Variants in COL18A1 observed in about 807,000 individuals in gnomAD.
COL18A1 encodes collagen alpha-1(XVIII) chain.
A neutral mutation model predicts 168.0 loss-of-function variants in COL18A1; 133 were observed. The ratio of observed to expected loss-of-function variants is 0.79; its 90% CI spans 0.69 to 0.91. The LOEUF (loss-of-function observed/expected upper bound fraction) is 0.91, where lower values mean the gene tolerates loss of function less well. Ranked by LOEUF, COL18A1 falls within the 40% of genes least tolerant of loss-of-function variation. COL18A1 has a pLI of 0.00. For missense variants in COL18A1, 2,126 were observed against 1,925.4 expected (o/e 1.10, Z -1.95); for synonymous variants, 949 against 809.0 (o/e 1.17, Z -2.94).
chr21:45,430,961 C>T (rs191224156), intron 2 of COL18A1, among the ~76,000 whole-genome samples: 10 of 152,346 alleles, frequency 6.6e-5, no homozygotes, highest in African/African-American at 2.2e-4. Context: ...AAATCAAGTC[C>T]GTAGAAAGAC....
chr21:45,460,368 C>A (rs79108673), intron 2 of COL18A1, among the ~76,000 whole-genome samples: 1,606 of 152,274 alleles, frequency 0.011, 26 homozygotes, highest in African/African-American at 0.037. Flanking sequence ...CACACGCCGG[C>A]CAAGTCGCTC....
chr21:45,510,313 C>T, intron 40 of COL18A1, 52 bp downstream of exon 40: 1 of 1,535,748 alleles, frequency 6.5e-7, no homozygotes, highest in Non-Finnish European at 8.8e-7. Flanking sequence ...CACTTGACCT[C>T]TGGGGTGAAC....
intron 17 of COL18A1, among the ~76,000 whole-genome samples, chr21:45,487,946 G>A (rs1319312197): frequency 1.3e-5 from 2 of 152,210 alleles, no homozygotes; most frequent in African/African-American, 4.8e-5. Flanking sequence ...GAGCCAGCAA[G>A]GAGTGACCAA....
intron 20 of COL18A1, 60 bp from the exon 21 acceptor site, chr21:45,490,776 C>A: frequency 2.0e-6 from 3 of 1,518,634 alleles, no homozygotes; most frequent in East Asian, 4.9e-5. Context: ...CCATCCCTCA[C>A]GGGGGGCCAG....
intron 2 of COL18A1, among the ~76,000 whole-genome samples, chr21:45,409,343 G>T (rs879606095): frequency 6.6e-6 from 1 of 152,212 alleles, no homozygotes; most frequent in Non-Finnish European, 1.5e-5. Context: ...CATGTTGGGC[G>T]CCCTTATACG....
At chr21:45,486,473 C>T (rs59479818) in intron 15 of COL18A1, among the ~76,000 whole-genome samples, 5 of 53,662 alleles carry the variant, frequency 9.3e-5, no homozygotes, top group African/African-American at 3.8e-4. Flanking sequence ...CTCGCCTGCC[C>T]GGGAGCCAGG....
intron 2 of COL18A1, among the ~76,000 whole-genome samples, chr21:45,448,760 C>T (rs1297802114): frequency 1.3e-5 from 2 of 152,246 alleles, no homozygotes; most frequent in Admixed American, 6.5e-5. Context: ...TCCTTTGCCC[C>T]ACTGGCCTGC....
intron 2 of COL18A1, chr21:45,467,369 G>C (rs1031380860): frequency 2.0e-6 from 2 of 985,328 alleles, no homozygotes; most frequent in Non-Finnish European, 2.4e-6. Context: ...CGGCGCTGTG[G>C]GGCATTTGCA....
In COL18A1 at chr21:45,405,298, C is replaced by CGCGGGGCT. The variant is rs1555966522; in HGVS notation, c.11+63_11+64insCTGCGGGG. 7.4e-3 allele frequency: 3,876 copies of CGCGGGGCT among 520,630 alleles called. 100 individuals are homozygous for CGCGGGGCT. In the East Asian group the frequency reaches 0.092, roughly 12 times the overall value. The allele number at this position is 520,630 out of a possible 1,614,324, so 32.3% of individuals were successfully genotyped here. On this transcript the variant is annotated intron_variant, in intron 1 of 41. Coordinates refer to ENST00000651438, the MANE Select transcript of COL18A1 (RefSeq NM_001379500.1). ...GACGCCAAGATGCGGCTGCGGGGGT[C>CGCGGGGCT]GCGGGGGTCGCGGGGCTCGGCCGGG... is the stretch of plus-strand genomic sequence containing the variant.
intron 2 of COL18A1, chr21:45,419,622 T>C (rs140588754): frequency 5.3e-5 from 8 of 152,326 alleles, no homozygotes; most frequent in African/African-American, 1.9e-4. Flanking sequence ...CCAGGAAGCC[T>C]GGCTGGCGCT....
intron 37 of COL18A1, chr21:45,506,988 A>G (rs1483243480): frequency 1.1e-5 from 3 of 279,564 alleles, no homozygotes; most frequent in Non-Finnish European, 7.2e-6. Flanking sequence ...ACCCGGATGC[A>G]GCCCCATCCT....
intron 2 of COL18A1, chr21:45,467,461 C>A (rs1206938009): frequency 3.3e-5 from 32 of 983,180 alleles, no homozygotes; most frequent in Non-Finnish European, 3.9e-5. Context: ...GTGATTGTGG[C>A]CCCGAGGGGA....
intron 19 of COL18A1, among the ~76,000 whole-genome samples, chr21:45,489,886 G>A (rs184064812): frequency 9.4e-5 from 2 of 21,218 alleles, no homozygotes; most frequent in African/African-American, 1.6e-4. Context: ...CCTCCTCCCC[G>A]ACTTCCCCCT....
In COL18A1 at chr21:45,484,064, ACAC is replaced by A. The variant is rs549065871; in HGVS notation, c.1701+1244_1701+1246del. Among the ~76,000 whole-genome samples, 24 of 139,818 alleles carry A rather than the reference ACAC, an allele frequency of 1.7e-4. 2 individuals are homozygous for A. Among genetic ancestry groups the A allele is most frequent in the South Asian group, 1.4e-3 (6 of 4,296 alleles). The allele number at this position is 139,818 out of a possible 152,430, so 91.7% of individuals were successfully genotyped here. A position where few individuals can be genotyped will look rare whatever the true frequency, so the allele number is the denominator to read the frequency against. ...CTCTCCAGCATATGTACACACACACACACTTCTCCAGCATATGTACACACACAC... is the reference window on the plus strand; with the variant it reads ...CTCTCCAGCATATGTACACACACACATTCTCCAGCATATGTACACACACAC... On this transcript the variant is annotated intron_variant, in intron 15 of 41. Coordinates refer to ENST00000651438, the MANE Select transcript of COL18A1 (RefSeq NM_001379500.1).
chr21:45,405,215 C>A lies in COL18A1; in HGVS notation c.-16C>A, dbSNP rs1328775827. 7.4e-6 allele frequency: 1 copy of A among 134,782 alleles called. No individual in the cohort carries two copies. The highest frequency in any genetic ancestry group is 1.3e-4 in the East Asian group (1 of 7,862). The allele number at this position is 134,782 out of a possible 1,614,324, so 8.3% of individuals were successfully genotyped here. A position where few individuals can be genotyped will look rare whatever the true frequency, so the allele number is the denominator to read the frequency against. ...AGGAGGCAGCATCCCGCGGCGCTGACGGTCCTGGGGAGAGCATGGCGCCGA... is the reference window on the plus strand; with the variant it reads ...AGGAGGCAGCATCCCGCGGCGCTGAAGGTCCTGGGGAGAGCATGGCGCCGA... On this transcript the variant is annotated 5_prime_UTR_variant, in exon 1 of 42. Transcript: ENST00000651438.
intron 19 of COL18A1, among the ~76,000 whole-genome samples, chr21:45,489,859 CT>C (rs2036241053): frequency 1.4e-5 from 1 of 73,864 alleles, no homozygotes; most frequent in African/African-American, 4.2e-5. Flanking sequence ...GCCTCCCCCA[CT>C]TGCCCCTCCC....
At chr21:45,437,103 G>GCACACA (rs138191311) in intron 2 of COL18A1, among the ~76,000 whole-genome samples, 6 of 114,606 alleles carry the variant, frequency 5.2e-5, no homozygotes, top group Admixed American at 1.6e-4. Context: ...GCACTCTCCT[G>GCACACA]CACACACACT....
chr21:45,495,730 A>C, intron 29 of COL18A1: 1 of 407,184 alleles, frequency 2.5e-6, no homozygotes, highest in Non-Finnish European at 4.7e-6. Flanking sequence ...GCACACACAC[A>C]TCCACACGTG....
chr21:45,446,927 G>T (rs1291788094), intron 2 of COL18A1, among the ~76,000 whole-genome samples: 1 of 152,164 alleles, frequency 6.6e-6, no homozygotes. Flanking sequence ...TGCAGAGAAA[G>T]TATTGGACAA....
Sources: allele counts gnomAD v4.1 joint callset (sites outside exome capture counted in the v4.1 genomes callset), GRCh38; gene constraint gnomAD v4.1.1; transcripts MANE v1.5; gene names NCBI Gene and HGNC (gene_info 2026-07-23, HGNC 2026-07-21).